The following GRM3 variants were observed in gnomAD, a reference collection of about 807,000 sequenced individuals.
The protein encoded by GRM3 is glutamate metabotropic receptor 3.
In GRM3, 26 loss-of-function variants were observed where a neutral mutation model predicts 70.5. That is an observed-to-expected ratio of 0.37 (90% CI 0.27 to 0.51). The LOEUF (loss-of-function observed/expected upper bound fraction) is 0.51. Ranked by LOEUF, GRM3 falls within the 20% of genes least tolerant of loss-of-function variation. GRM3 has a pLI of 0.93. For synonymous variants in GRM3, 443 were observed against 434.9 expected (o/e 1.02, Z -0.23); for missense variants, 859 against 1,123.8 (o/e 0.76, Z 3.37).
At position 86,781,252 on chromosome 7, in the gene GRM3, C is replaced by CA. The variant is rs200468803; in HGVS notation, c.469-5000dup. Among the ~76,000 whole-genome samples the CA allele has an allele frequency of 6.3e-4, 95 of 149,726 alleles. No individual in the cohort carries two copies. The East Asian group carries it at 8.0e-3, about 13-fold the overall frequency. Reference sequence around the variant, plus strand: ...AAGGCTTCCCCAAAAAAGCCTTACCCAAAAAAAAAGGTAGTCTGAAAACAG... The same window carrying CA: ...AAGGCTTCCCCAAAAAAGCCTTACCCAAAAAAAAAAGGTAGTCTGAAAACAG... On this transcript the variant is annotated intron_variant, in intron 2 of 5. Coordinates refer to ENST00000361669, the MANE Select transcript of GRM3 (RefSeq NM_000840.3).
intron 1 of GRM3, among the ~76,000 whole-genome samples, chr7:86,722,015 G>A (rs1331979350): frequency 6.6e-6 from 1 of 151,986 alleles, no homozygotes. Flanking sequence ...TGGGTCCCTG[G>A]GAGAAAAGGT....
At chr7:86,776,692 T>C (rs892130947) in intron 2 of GRM3, among the ~76,000 whole-genome samples, 1 of 152,066 alleles carries the variant, frequency 6.6e-6, no homozygotes, top group East Asian at 1.9e-4. Flanking sequence ...CACAGAAAAA[T>C]ATAGATTAGC....
chr7:86,650,412 T>C (rs1191944037), intron 1 of GRM3, among the ~76,000 whole-genome samples: 3 of 152,082 alleles, frequency 2.0e-5, no homozygotes, highest in East Asian at 1.9e-4. Context: ...ATTCAACAAG[T>C]GTTTTCTGAG....
chr7:86,743,576 C>T (rs201843094), intron 1 of GRM3, among the ~76,000 whole-genome samples: 2 of 152,122 alleles, frequency 1.3e-5, no homozygotes, highest in Non-Finnish European at 2.9e-5. Flanking sequence ...AAAGCCATCC[C>T]TGTGACCAGG....
intron 3 of GRM3, among the ~76,000 whole-genome samples, chr7:86,812,473 G>A (rs1022213535): frequency 2.6e-5 from 4 of 151,682 alleles, no homozygotes; most frequent in Admixed American, 2.6e-4. Context: ...TGTTAACCAG[G>A]TGTTAATTCC....
chr7:86,748,662 A>G (rs1047243500), intron 1 of GRM3, among the ~76,000 whole-genome samples: 3 of 152,058 alleles, frequency 2.0e-5, no homozygotes, highest in Non-Finnish European at 4.4e-5. Context: ...TTTAAAAACA[A>G]AAATTTAGTT....
chr7:86,687,711 C>A (rs998993634), intron 1 of GRM3, among the ~76,000 whole-genome samples: 1 of 151,610 alleles, frequency 6.6e-6, no homozygotes, highest in Admixed American at 6.6e-5. Context: ...TTGGGGTAAA[C>A]GTAATTGCAT....
chr7:86,649,497 G>A (rs1199278839), intron 1 of GRM3, among the ~76,000 whole-genome samples: 1 of 152,040 alleles, frequency 6.6e-6, no homozygotes, highest in Non-Finnish European at 1.5e-5. Flanking sequence ...GCCATATATA[G>A]AGAAGGCACC....
intron 1 of GRM3, among the ~76,000 whole-genome samples, chr7:86,737,323 G>T (rs936421394): frequency 3.9e-5 from 6 of 152,190 alleles, no homozygotes; most frequent in Non-Finnish European, 8.8e-5. Flanking sequence ...TGAATTTTAT[G>T]AGTGAGGAAA....
At chr7:86,828,106 C>A (rs1449690690) in intron 3 of GRM3, among the ~76,000 whole-genome samples, 12 of 103,150 alleles carry the variant, frequency 1.2e-4, no homozygotes, top group African/African-American at 4.1e-4. Context: ...AGCAGAACTC[C>A]GTATCAAAAA....
chr7:86,688,993 A>T (rs961989427), intron 1 of GRM3, among the ~76,000 whole-genome samples: 3 of 148,428 alleles, frequency 2.0e-5, no homozygotes, highest in African/African-American at 7.3e-5. Context: ...AATTTATTAT[A>T]TATTAATTAT....
chr7:86,846,905 T>C (rs1415440463), intron 4 of GRM3, among the ~76,000 whole-genome samples: 1 of 152,182 alleles, frequency 6.6e-6, no homozygotes, highest in Non-Finnish European at 1.5e-5. Flanking sequence ...TTTACTATAC[T>C]TACAAGGCAA....
chr7:86,658,677 A>G (rs751515855), intron 1 of GRM3, among the ~76,000 whole-genome samples: 39 of 152,294 alleles, frequency 2.6e-4, no homozygotes, highest in South Asian at 2.3e-3. Flanking sequence ...CAGAAAATCA[A>G]TAGCTTTTTA....
At chr7:86,775,431 C>T (rs1419988801) in intron 2 of GRM3, among the ~76,000 whole-genome samples, 1 of 152,060 alleles carries the variant, frequency 6.6e-6, no homozygotes, top group Non-Finnish European at 1.5e-5. Context: ...GACATCATCC[C>T]TAGCTTTCAA....
intron 1 of GRM3, among the ~76,000 whole-genome samples, chr7:86,653,446 T>C (rs1413772285): frequency 6.6e-6 from 1 of 152,250 alleles, no homozygotes. Flanking sequence ...GATTAACCAG[T>C]TGTATAAAGT....
intron 1 of GRM3, among the ~76,000 whole-genome samples, chr7:86,695,229 C>T (rs116242418): frequency 0.026 from 3,949 of 152,188 alleles, 143 homozygotes; most frequent in African/African-American, 0.09. Flanking sequence ...GAAAATGATC[C>T]ATTTCCTTTC....
At chr7:86,674,055 C>T (rs1371247234) in intron 1 of GRM3, among the ~76,000 whole-genome samples, 2 of 152,102 alleles carry the variant, frequency 1.3e-5, no homozygotes, top group African/African-American at 2.4e-5. Context: ...TAACACATTG[C>T]ACCAAAATGT....
chr7:86,806,536 A>G (rs1469091268), intron 3 of GRM3, among the ~76,000 whole-genome samples: 3 of 152,192 alleles, frequency 2.0e-5, no homozygotes, highest in Non-Finnish European at 4.4e-5. Context: ...TGTTGGCTGC[A>G]TAAATGTCTT....
Position 86,839,982 on chromosome 7 carries a change from C to T in GRM3, c.2391+77C>T. On this transcript the variant is annotated intron_variant, in intron 4 of 5. Coordinates refer to ENST00000361669, the MANE Select transcript of GRM3 (RefSeq NM_000840.3). This position sits in a 1 kb window ranked among gnomAD's most constrained non-coding sequence, Gnocchi z 4.5. ...CTTGTGTAGTATTTAAAATAGACTCCTTTTATTTCATCTCAACGAGTTGGG... is the reference window on the plus strand; with the variant it reads ...CTTGTGTAGTATTTAAAATAGACTCTTTTTATTTCATCTCAACGAGTTGGG... 1.2e-6 allele frequency: 1 copy of T among 806,696 alleles called. No individual in the cohort carries two copies. The highest frequency in any genetic ancestry group is 1.6e-5 in the South Asian group (1 of 60,992). The allele number at this position is 806,696 out of a possible 1,614,324, so 50.0% of individuals were successfully genotyped here.
Sources: gnomAD v4.1 joint callset for allele counts (sites outside exome capture counted in the v4.1 genomes callset) on GRCh38, gnomAD v4.1.1 for gene constraint, Gnocchi (gnomAD v3.1) non-coding constraint, MANE v1.5 for transcripts, NCBI Gene and HGNC (gene_info 2026-07-23, HGNC 2026-07-21) for gene names.